ERBIN: variants seen among roughly 807,000 people sequenced by gnomAD.
The protein encoded by ERBIN is erbb2 interacting protein, also known as densin-180-like protein.
In ERBIN, 60 loss-of-function variants were observed where a neutral mutation model predicts 158.4. The ratio of observed to expected loss-of-function variants is 0.38; its 90% CI spans 0.31 to 0.47. The LOEUF (loss-of-function observed/expected upper bound fraction) is 0.47, where lower values mean the gene tolerates loss of function less well. Among genes scored for constraint, ERBIN ranks in the 20% least tolerant of loss-of-function variants. The pLI is 0.99. For synonymous variants in ERBIN, 594 were observed against 557.2 expected, an observed-to-expected ratio of 1.07 and a Z score of -0.93; for missense variants, 1,610 against 1,648.0, an observed-to-expected ratio of 0.98 and a Z score of 0.40.
chr5:65,934,613 A>G (rs1318551151), intron 1 of ERBIN, among the ~76,000 whole-genome samples: 1 of 152,210 alleles, frequency 6.6e-6, no homozygotes, highest in Non-Finnish European at 1.5e-5. Flanking sequence ...ACGTCTTATC[A>G]GGTGGCAGGC....
At chr5:66,068,257 A>C (rs2151290019) in intron 21 of ERBIN, among the ~76,000 whole-genome samples, 1 of 152,102 alleles carries the variant, frequency 6.6e-6, no homozygotes, top group East Asian at 1.9e-4. Context: ...AAGATCTTTG[A>C]GCCCAGGAGT....
At chr5:66,025,330 ATT>A (rs1756123101) in intron 10 of ERBIN, 148 bp from the exon 11 acceptor site, 1 of 674,676 alleles carries the variant, frequency 1.5e-6, no homozygotes, top group South Asian at 1.6e-5. Flanking sequence ...GGAATAGAAC[ATT>A]GGGATTGGGA....
chr5:66,044,844 A>T (rs1479824844), intron 17 of ERBIN, among the ~76,000 whole-genome samples: 1 of 151,812 alleles, frequency 6.6e-6, no homozygotes, highest in Non-Finnish European at 1.5e-5. Flanking sequence ...TGGGAGGCCG[A>T]GGTGGGATGG....
intron 1 of ERBIN, among the ~76,000 whole-genome samples, chr5:65,938,610 T>C (rs1744380021): frequency 6.6e-6 from 1 of 152,164 alleles, no homozygotes; most frequent in Non-Finnish European, 1.5e-5. Context: ...TGGATTGCAG[T>C]GGCGCAATCT....
chr5:65,988,983 C>CAAAA (rs34731955), intron 2 of ERBIN, among the ~76,000 whole-genome samples: 21 of 62,894 alleles, frequency 3.3e-4, no homozygotes, highest in African/African-American at 1.1e-3. Flanking sequence ...ACCCTGTTTC[C>CAAAA]AAAAAAAAAA....
At chr5:65,957,027 A>T (rs1261294750) in intron 1 of ERBIN, among the ~76,000 whole-genome samples, 1 of 152,114 alleles carries the variant, frequency 6.6e-6, no homozygotes, top group African/African-American at 2.4e-5. Flanking sequence ...AGTTGTTTGG[A>T]TGAGTCAGAA....
At chr5:66,052,821 C>T (rs763798383) in intron 20 of ERBIN, among the ~76,000 whole-genome samples, 1 of 152,112 alleles carries the variant, frequency 6.6e-6, no homozygotes, top group Non-Finnish European at 1.5e-5. Flanking sequence ...CTTCATTTAT[C>T]TTTCTATGCC....
intron 1 of ERBIN, among the ~76,000 whole-genome samples, chr5:65,940,689 A>AG (rs1744858240): frequency 1.0e-5 from 1 of 97,494 alleles, no homozygotes; most frequent in Non-Finnish European, 2.1e-5. Context: ...TCCGGGAGGG[A>AG]GGTGGGGGGG....
intron 1 of ERBIN, among the ~76,000 whole-genome samples, chr5:65,956,986 TG>T (rs11321698): frequency 0.04 from 6,093 of 152,256 alleles, 414 homozygotes; most frequent in African/African-American, 0.14. Context: ...TATTTGTGTA[TG>T]GTAATAATAT....
At chr5:65,995,526 G>A (rs942136876) in intron 4 of ERBIN, among the ~76,000 whole-genome samples, 2 of 152,036 alleles carry the variant, frequency 1.3e-5, no homozygotes, top group East Asian at 1.9e-4. Context: ...TCATTCATCC[G>A]TTGATGGACA....
At chr5:66,072,001 G>A (rs1209836376) in intron 21 of ERBIN, among the ~76,000 whole-genome samples, 168 bp from the exon 22 acceptor site, 1 of 152,160 alleles carries the variant, frequency 6.6e-6, no homozygotes, top group Non-Finnish European at 1.5e-5. Flanking sequence ...ACCTTTGGAA[G>A]AAGTGAAAGA....
At position 66,025,938 on chromosome 5, in the gene ERBIN, T is replaced by G. The variant is rs1251454322; in HGVS notation, c.981T>G (p.Phe327Leu). The change falls in exon 12 of 26, where the codon TTT (phenylalanine) becomes TTG (leucine). Residue 327 changes from phenylalanine (F) to leucine (L), a missense_variant. Around this residue, in one of 2 missense-constraint regions of ERBIN, gnomAD observed 596 missense variants for 711.9 expected, o/e 0.84. Transcript: ENST00000284037. ...GGCAGCTTACTAACTTAAGAACTTT[T>G]GCTGCTGATCATAATTACTTACAGC... ...SIGQLTNLRT[F>L]AADHNYLQQL... 1 of 1,593,798 alleles carries G rather than the reference T, an allele frequency of 6.3e-7. No homozygotes were observed. The highest frequency in any genetic ancestry group is 8.5e-7 in the Non-Finnish European group (1 of 1,171,676).
intron 1 of ERBIN, among the ~76,000 whole-genome samples, chr5:65,938,955 G>A (rs1744430214): frequency 1.3e-5 from 2 of 152,062 alleles, no homozygotes; most frequent in Admixed American, 1.3e-4. Flanking sequence ...TGTTGTTCCT[G>A]AACTGGATTT....
chr5:65,947,875 C>T (rs1449553460), intron 1 of ERBIN, among the ~76,000 whole-genome samples: 1 of 151,950 alleles, frequency 6.6e-6, no homozygotes, highest in Admixed American at 6.6e-5. Context: ...GGCATGGTGG[C>T]AGGTGCCTGT....
chr5:65,967,522 G>A (rs1485577525), intron 1 of ERBIN, among the ~76,000 whole-genome samples: 1 of 152,152 alleles, frequency 6.6e-6, no homozygotes, highest in East Asian at 1.9e-4. Context: ...TGCGGTACGT[G>A]TTCTTAGTCT....
At position 66,044,142 on chromosome 5, in the gene ERBIN, A is replaced by G. The variant is rs759103154; in HGVS notation, c.1434A>G (p.Gly478=). ...KDEREAPPRE[G]NLKRYPTPYP... ...TACTTATTTTATTTCTCTAGGAGGG[A>G]AATTTAAAAAGATATCCAACACCAT... The change falls in exon 17 of 26, where the codon GGA becomes GGG. Residue 478 remains glycine, a synonymous_variant. Coordinates refer to ENST00000284037, the MANE Select transcript of ERBIN (RefSeq NM_001253697.2). The G allele has an allele frequency of 6.5e-7, 1 of 1,545,898 alleles. No individual in the cohort carries two copies.
chr5:65,977,320 C>G (rs1327843214), intron 1 of ERBIN, among the ~76,000 whole-genome samples: 3 of 149,428 alleles, frequency 2.0e-5, no homozygotes, highest in South Asian at 2.1e-4. Context: ...CCCTCCCGGA[C>G]GAGGTGGCTG....
intron 4 of ERBIN, among the ~76,000 whole-genome samples, chr5:66,006,173 T>C (rs1304909313): frequency 2.0e-5 from 3 of 152,144 alleles, no homozygotes; most frequent in East Asian, 3.9e-4. Flanking sequence ...TAAAACAGCA[T>C]AGTACTGATA....
chr5:65,934,157 A>G (rs530279477), intron 1 of ERBIN, among the ~76,000 whole-genome samples: 2 of 152,290 alleles, frequency 1.3e-5, no homozygotes, highest in East Asian at 3.9e-4. Context: ...TGGCCTCCCA[A>G]AGTGCTGGGA....
Sources: gnomAD v4.1 joint callset for allele counts (sites outside exome capture counted in the v4.1 genomes callset) on GRCh38, gnomAD v4.1.1 for gene constraint, gnomAD v4.1.1 regional missense constraint, MANE v1.5 for transcripts, NCBI Gene and HGNC (gene_info 2026-07-23, HGNC 2026-07-21) for gene names.